The following GRHL2 variants were observed in gnomAD, a reference collection of about 807,000 sequenced individuals.
GRHL2 encodes grainyhead like transcription factor 2.
GRHL2 carries 21 observed loss-of-function variants against 83.8 expected under a neutral mutation model. That is an observed-to-expected ratio of 0.25 (90% CI 0.18 to 0.36). The LOEUF is 0.36. Ranked by LOEUF, GRHL2 falls within the 10% of genes least tolerant of loss-of-function variation. GRHL2 has a pLI of 1.00. For missense variants in GRHL2, 623 were observed against 781.8 expected (o/e 0.80, Z 2.42); for synonymous variants, 280 against 278.9 (o/e 1.00, Z -0.04).
At chr8:101,512,842 T>C (rs532112209) in intron 1 of GRHL2, among the ~76,000 whole-genome samples, 3 of 152,286 alleles carry the variant, frequency 2.0e-5, no homozygotes, top group Admixed American at 6.5e-5. Context: ...ACTGGGTGGC[T>C]TATAAACAAC....
At chr8:101,680,944 T>G in the GRHL2 span, among the ~76,000 whole-genome samples, 2 of 121,014 alleles carry the variant, frequency 1.7e-5, no homozygotes, top group Non-Finnish European at 3.4e-5. Flanking sequence ...GAGGGAAATT[T>G]ATAGCACTAA....
chr8:101,542,637 C>T, intron 1 of GRHL2: 2 of 387,202 alleles, frequency 5.2e-6, no homozygotes, highest in South Asian at 4.0e-5. Context: ...TGAAGAGGAC[C>T]AATTGTTTTA....
intron 12 of GRHL2, 117 bp downstream of exon 12, chr8:101,637,045 C>A (rs905052190): frequency 1.1e-6 from 1 of 920,576 alleles, no homozygotes; most frequent in Non-Finnish European, 1.8e-6. Context: ...CACCTCAGGA[C>A]TCAGAGCTGA....
intron 14 of GRHL2, among the ~76,000 whole-genome samples, chr8:101,653,243 T>TGG (rs112694139): frequency 1.4e-4 from 22 of 152,102 alleles, no homozygotes; most frequent in African/African-American, 5.3e-4. Flanking sequence ...AATATCATTG[T>TGG]GGGGGGGCTT....
At chr8:101,523,477 GTTTT>G (rs11293156) in intron 1 of GRHL2, among the ~76,000 whole-genome samples, 1 of 145,540 alleles carries the variant, frequency 6.9e-6, no homozygotes, top group Non-Finnish European at 1.5e-5. Flanking sequence ...TCCACTGAAA[GTTTT>G]TTTTTTTTTA....
At chr8:101,596,656 G>T (rs545033543) in intron 7 of GRHL2, among the ~76,000 whole-genome samples, 9 of 152,104 alleles carry the variant, frequency 5.9e-5, no homozygotes, top group African/African-American at 7.2e-5. Context: ...AATAAATAAA[G>T]AAATAATTGT....
rs528850981 is a variant in GRHL2, at chr8:101,667,634, T to C, written c.*931T>C. 5 of 152,544 alleles carry C rather than the reference T, an allele frequency of 3.3e-5. 1 individual carries two copies. In the South Asian group the frequency reaches 1.0e-3, roughly 32 times the overall value. The allele number at this position is 152,544 out of a possible 1,614,324, so 9.4% of individuals were successfully genotyped here. A position where few individuals can be genotyped will look rare whatever the true frequency, so the allele number is the denominator to read the frequency against. ...GACTCTCCTTCGAGGCCACCACGTT[T>C]ATCTCACAATGATGTGTTTTGCTTG... On this transcript the variant is annotated 3_prime_UTR_variant, in exon 16 of 16. Coordinates refer to ENST00000646743, the MANE Select transcript of GRHL2 (RefSeq NM_024915.4).
At chr8:101,571,207 G>T (rs1264746184) in intron 5 of GRHL2, among the ~76,000 whole-genome samples, 1 of 152,210 alleles carries the variant, frequency 6.6e-6, no homozygotes, top group Non-Finnish European at 1.5e-5. Context: ...AGGAAGGTGT[G>T]TGGGGTTGAG....
rs574073913 is a variant in GRHL2 at position 101,555,134 on chromosome 8, A to G, written c.284+2352A>G. On this transcript the variant is annotated intron_variant, in intron 3 of 15. Transcript: ENST00000646743. ...AAAGAATTAAGAAACTTTGCCCCAA[A>G]TGGACTCTAACTATACAGAAGTTGG... 5.5e-4 allele frequency among the ~76,000 whole-genome samples: 84 copies of G among 152,368 alleles called. 1 individual carries two copies. The Middle Eastern group carries it at 0.014, about 25-fold the overall frequency.
At chr8:101,648,204 G>A (rs1373990426) in intron 13 of GRHL2, among the ~76,000 whole-genome samples, 1 of 152,116 alleles carries the variant, frequency 6.6e-6, no homozygotes, top group African/African-American at 2.4e-5. Context: ...ATGGGGACAG[G>A]CAGAAAGGGC....
chr8:101,528,996 C>G, intron 1 of GRHL2: 1 of 369,716 alleles, frequency 2.7e-6, no homozygotes, highest in Non-Finnish European at 5.4e-6. Context: ...TCTGCATTCT[C>G]TCTCCCTGTG....
chr8:101,631,293 T>C (rs1461851860), intron 9 of GRHL2, among the ~76,000 whole-genome samples: 4 of 152,224 alleles, frequency 2.6e-5, no homozygotes, highest in Non-Finnish European at 5.9e-5. Context: ...TGACATTTTA[T>C]TATAATCACT....
chr8:101,674,122 A>G (rs1305190586), downstream of GRHL2, among the ~76,000 whole-genome samples: 1 of 152,190 alleles, frequency 6.6e-6, no homozygotes, highest in Non-Finnish European at 1.5e-5. Context: ...TCCAAAATTG[A>G]CACCCTAACG....
intron 1 of GRHL2, among the ~76,000 whole-genome samples, chr8:101,518,896 C>T (rs532349904): frequency 1.1e-4 from 16 of 152,192 alleles, no homozygotes; most frequent in African/African-American, 3.9e-4. Context: ...GTTGATTTAA[C>T]TTCTGTCTCC....
rs559947960 is a variant in GRHL2 at position 101,616,969 on chromosome 8, G to A, written c.1099-2570G>A. ...ATATATTTAAGACACACATCATGATGTTATGGAATACATGTAGATACTTTA... is the reference window on the plus strand; with the variant it reads ...ATATATTTAAGACACACATCATGATATTATGGAATACATGTAGATACTTTA... On this transcript the variant is annotated intron_variant, in intron 8 of 15. Coordinates refer to ENST00000646743, the MANE Select transcript of GRHL2 (RefSeq NM_024915.4). 2.9e-4 allele frequency among the ~76,000 whole-genome samples: 44 copies of A among 152,248 alleles called. 1 individual carries two copies. The highest frequency in any genetic ancestry group is 2.7e-3 in the Admixed American group (42 of 15,288).
intron 11 of GRHL2, among the ~76,000 whole-genome samples, chr8:101,635,509 T>C (rs944044037): frequency 3.9e-5 from 6 of 152,184 alleles, no homozygotes; most frequent in African/African-American, 7.2e-5. Flanking sequence ...AGATACACTA[T>C]GCCATGTTTA....
downstream of GRHL2, among the ~76,000 whole-genome samples, chr8:101,671,365 C>G (rs1192140953): frequency 6.6e-6 from 1 of 152,194 alleles, no homozygotes; most frequent in Non-Finnish European, 1.5e-5. Context: ...GAGATTATAT[C>G]CCGCACGTGG....
chr8:101,562,774 G>A (rs1811634280), intron 4 of GRHL2, among the ~76,000 whole-genome samples: 2 of 152,154 alleles, frequency 1.3e-5, no homozygotes, highest in Admixed American at 6.5e-5. Context: ...CTTCTTCACT[G>A]TTTAGGAGCA....
intron 2 of GRHL2, among the ~76,000 whole-genome samples, chr8:101,551,909 C>T (rs1449787683): frequency 6.6e-6 from 1 of 151,072 alleles, no homozygotes; most frequent in East Asian, 1.9e-4. Context: ...GATCTCGGCT[C>T]ACTGCAAGCT....
Sources: gnomAD v4.1 joint callset for allele counts (sites outside exome capture counted in the v4.1 genomes callset) on GRCh38, gnomAD v4.1.1 for gene constraint, MANE v1.5 for transcripts, NCBI Gene and HGNC (gene_info 2026-07-23, HGNC 2026-07-21) for gene names.